Variants in MAST4 observed in about 807,000 individuals in gnomAD.
MAST4 encodes the protein microtubule-associated serine/threonine-protein kinase 4.
In MAST4, 89 loss-of-function variants were observed where a neutral mutation model predicts 162.7. The ratio of observed to expected loss-of-function variants is 0.55; its 90% CI spans 0.46 to 0.65. MAST4 has a LOEUF of 0.65. Ranked by LOEUF, MAST4 falls within the 30% of genes least tolerant of loss-of-function variation. The pLI is 0.00. For synonymous variants in MAST4, 1,479 were observed against 1,361.1 expected (o/e 1.09, Z -1.91); for missense variants, 3,153 against 3,374.0 (o/e 0.93, Z 1.62).
chr5:67,010,849 G>T (rs1752585932), intron 4 of MAST4, among the ~76,000 whole-genome samples: 1 of 152,100 alleles, frequency 6.6e-6, no homozygotes, highest in Non-Finnish European at 1.5e-5. Flanking sequence ...CAGGGTGGGG[G>T]TGTCATAACC....
chr5:66,687,638 A>G (rs1748768455), intron 1 of MAST4, among the ~76,000 whole-genome samples: 1 of 12,060 alleles, frequency 8.3e-5, no homozygotes, highest in Non-Finnish European at 1.2e-4. Flanking sequence ...GTGTGTGTTT[A>G]TCTATCTATC....
At chr5:66,788,607 C>CCCACCAAAAA in intron 2 of MAST4, 63 bp from the exon 3 acceptor site, 3 of 1,373,722 alleles carry the variant, frequency 2.2e-6, no homozygotes, top group Non-Finnish European at 3.0e-6. Flanking sequence ...CCCCCACCCC[C>CCCACCAAAAA]ATTGCAATAA....
intron 5 of MAST4, among the ~76,000 whole-genome samples, chr5:67,057,591 T>TAA (rs11351677): frequency 9.0e-6 from 1 of 111,588 alleles, no homozygotes; most frequent in African/African-American, 3.1e-5. Context: ...ACAGTCTCAT[T>TAA]AAAAAAAAAA....
chr5:67,009,110 C>T (rs1752373983), intron 4 of MAST4, among the ~76,000 whole-genome samples: 1 of 152,148 alleles, frequency 6.6e-6, no homozygotes, highest in East Asian at 1.9e-4. Flanking sequence ...AAGCTGTAGG[C>T]ATGCTTTCAA....
chr5:67,161,151 ATGT>A (rs1459143430), intron 27 of MAST4, among the ~76,000 whole-genome samples: 1 of 152,186 alleles, frequency 6.6e-6, no homozygotes, highest in Non-Finnish European at 1.5e-5. Context: ...AGCAAGAGGT[ATGT>A]GTTTCTGGCA....
At chr5:66,811,463 T>C (rs1756472439) in intron 3 of MAST4, among the ~76,000 whole-genome samples, 1 of 152,206 alleles carries the variant, frequency 6.6e-6, no homozygotes. Flanking sequence ...CAGGAAAGGT[T>C]GGGAAATAGG....
At position 67,166,761 on chromosome 5, in the gene MAST4, A is replaced by C. The variant is rs747938941; in HGVS notation, c.7582A>C (p.Thr2528Pro). ...SDSLPSFRVS[T>P]LPLESHHPDP... ...CTCCCTGCCCTCCTTCCGGGTCTCC[A>C]CCCTGCCTCTGGAGTCACACCACCC... Residue 2528 changes from threonine to proline, a missense_variant, in exon 29 of 29, where the codon ACC (threonine) becomes CCC (proline). Thr to Pro is a conservative substitution (Grantham distance 38). This residue lies in a region of MAST4 where 1,644 missense variants were observed against 1,495.0 expected (regional missense o/e 1.10). Transcript: ENST00000403625. 1.8e-5 allele frequency: 28 copies of C among 1,594,280 alleles called. No individual in the cohort carries two copies. The highest frequency in any genetic ancestry group is 2.0e-5 in the Non-Finnish European group (24 of 1,171,520).
intron 3 of MAST4, among the ~76,000 whole-genome samples, chr5:66,791,680 A>G (rs1755416345): frequency 6.6e-6 from 1 of 152,152 alleles, no homozygotes; most frequent in South Asian, 2.1e-4. Context: ...TGTTGTTGTT[A>G]TTGTATTGTA....
intron 5 of MAST4, among the ~76,000 whole-genome samples, chr5:67,057,357 T>A (rs1758962268): frequency 1.3e-5 from 2 of 152,062 alleles, no homozygotes. Flanking sequence ...AAGTTGCACT[T>A]TCTACTTTTC....
chr5:67,039,805 G>A (rs1217945042), intron 4 of MAST4, among the ~76,000 whole-genome samples: 1 of 152,108 alleles, frequency 6.6e-6, no homozygotes, highest in Non-Finnish European at 1.5e-5. Flanking sequence ...AGTCTAGGGA[G>A]TTCTTGGAGG....
At chr5:66,765,293 G>C (rs1220692191) in intron 2 of MAST4, among the ~76,000 whole-genome samples, 1 of 152,054 alleles carries the variant, frequency 6.6e-6, no homozygotes, top group Non-Finnish European at 1.5e-5. Context: ...CAGATTCCAG[G>C]TTCCAGGATA....
chr5:66,949,624 C>T (rs1744432056), intron 4 of MAST4, among the ~76,000 whole-genome samples: 1 of 152,158 alleles, frequency 6.6e-6, no homozygotes, highest in African/African-American at 2.4e-5. Context: ...CAGACTAATA[C>T]AGGCAAGTAT....
chr5:66,868,215 C>G (rs975390421), intron 3 of MAST4, among the ~76,000 whole-genome samples: 1 of 152,088 alleles, frequency 6.6e-6, no homozygotes. Context: ...TTGGATGTGT[C>G]ATAGGATCTG....
chr5:66,725,487 C>T (rs963119985), intron 1 of MAST4, among the ~76,000 whole-genome samples: 4 of 152,062 alleles, frequency 2.6e-5, no homozygotes, highest in Non-Finnish European at 5.9e-5. Context: ...TATGAATGCT[C>T]AAAATGTGGA....
At chr5:67,002,744 G>C (rs1284961126) in intron 4 of MAST4, among the ~76,000 whole-genome samples, 1 of 152,008 alleles carries the variant, frequency 6.6e-6, no homozygotes, top group East Asian at 1.9e-4. Flanking sequence ...ACCCCATATT[G>C]CAGCTGGGGA....
At chr5:67,016,035 G>A (rs1753249758) in intron 4 of MAST4, among the ~76,000 whole-genome samples, 1 of 152,124 alleles carries the variant, frequency 6.6e-6, no homozygotes. Flanking sequence ...ACAAAGATAT[G>A]TATAGCATGA....
At chr5:66,604,052 T>C (rs1331656192) in intron 1 of MAST4, among the ~76,000 whole-genome samples, 5 of 152,188 alleles carry the variant, frequency 3.3e-5, no homozygotes, top group African/African-American at 9.7e-5. Context: ...CTAGGAGGGA[T>C]TGGATAATAG....
intron 4 of MAST4, among the ~76,000 whole-genome samples, chr5:66,982,708 C>T (rs192768440): frequency 3.0e-4 from 46 of 152,306 alleles, no homozygotes; most frequent in Admixed American, 2.8e-3. Context: ...GATATTCTGG[C>T]GGCGGATATC....
intron 3 of MAST4, among the ~76,000 whole-genome samples, chr5:66,825,532 C>T (rs1157619121): frequency 6.6e-6 from 1 of 151,972 alleles, no homozygotes; most frequent in Non-Finnish European, 1.5e-5. Context: ...GACAATATTA[C>T]AAAATCTCAA....
Sources: allele counts gnomAD v4.1 joint callset (sites outside exome capture counted in the v4.1 genomes callset), GRCh38; gene constraint gnomAD v4.1.1; regional missense constraint gnomAD v4.1.1; transcripts MANE v1.5; gene names NCBI Gene and HGNC (gene_info 2026-07-23, HGNC 2026-07-21).